The following OR51B5 variants were observed in gnomAD, a reference collection of about 807,000 sequenced individuals.
OR51B5 encodes olfactory receptor 51B5.
For missense variants in OR51B5, 456 were observed against 374.6 expected (o/e 1.22, Z -1.79); for synonymous variants, 186 against 144.8 (o/e 1.28, Z -2.04).
At chr11:5,442,111 T>C (rs1435533958) in intron 1 of OR51B5, among the ~76,000 whole-genome samples, 1 of 152,134 alleles carries the variant, frequency 6.6e-6, no homozygotes. Flanking sequence ...GTCTATGAAC[T>C]CTTCTTCCTC....
At chr11:5,490,196 A>T (rs61892115) in intron 1 of OR51B5, among the ~76,000 whole-genome samples, 16,440 of 152,222 alleles carry the variant, frequency 0.11, 932 homozygotes, top group Middle Eastern at 0.16. Flanking sequence ...TAAAAATAAC[A>T]TCTAACTTTG....
At chr11:5,408,995 T>G (rs1330375386) in intron 1 of OR51B5, among the ~76,000 whole-genome samples, 1 of 152,118 alleles carries the variant, frequency 6.6e-6, no homozygotes, top group East Asian at 1.9e-4. Flanking sequence ...TAAACCCAAC[T>G]TGTTGATCTA....
intron 1 of OR51B5, chr11:5,402,971 G>A (rs747982177): frequency 8.5e-6 from 4 of 471,316 alleles, no homozygotes; most frequent in South Asian, 1.5e-5. Flanking sequence ...TCTTTGGACC[G>A]CTTTATAGCC....
intron 1 of OR51B5, among the ~76,000 whole-genome samples, chr11:5,421,444 C>T (rs1217164856): frequency 6.6e-6 from 1 of 152,228 alleles, no homozygotes; most frequent in Non-Finnish European, 1.5e-5. Context: ...GAGTTATCCA[C>T]TTAAAGCAGT....
intron 1 of OR51B5, among the ~76,000 whole-genome samples, chr11:5,359,981 A>T (rs1849255846): frequency 6.6e-6 from 1 of 152,244 alleles, no homozygotes; most frequent in Non-Finnish European, 1.5e-5. Context: ...TACACCTTAT[A>T]CAAAAATTAA....
At chr11:5,500,371 T>C (rs1851700571) in intron 1 of OR51B5, among the ~76,000 whole-genome samples, 3 of 152,204 alleles carry the variant, frequency 2.0e-5, no homozygotes, top group Admixed American at 2.0e-4. Context: ...TTAAACTTAC[T>C]GGCTCTGTTT....
chr11:5,393,954 C>G (rs10837995), intron 1 of OR51B5, among the ~76,000 whole-genome samples: 20,073 of 152,158 alleles, frequency 0.13, 1,392 homozygotes, highest in Non-Finnish European at 0.16. Flanking sequence ...GAAGTCCCAT[C>G]ATTGGCTTCT....
At chr11:5,444,652 T>C (rs1850736279) in intron 1 of OR51B5, among the ~76,000 whole-genome samples, 1 of 152,142 alleles carries the variant, frequency 6.6e-6, no homozygotes. Context: ...TACTATGCTG[T>C]GGGTACAGCT....
chr11:5,352,240 T>G (rs1006528737), intron 1 of OR51B5: 2 of 1,614,120 alleles, frequency 1.2e-6, no homozygotes, highest in Non-Finnish European at 8.5e-7. Context: ...TCATATCTGC[T>G]GCATCCTGGT....
chr11:5,370,914 T>C (rs1270907483), intron 1 of OR51B5, among the ~76,000 whole-genome samples: 2 of 152,190 alleles, frequency 1.3e-5, no homozygotes, highest in Non-Finnish European at 1.5e-5. Context: ...AAAAGAAGTA[T>C]TGCCATAGTG....
rs893322068 is a variant in OR51B5 at position 5,479,121 on chromosome 11, G to A, written n.84+26448C>T. On this transcript the variant is annotated intron_variant and non_coding_transcript_variant, in intron 1 of 4. Coordinates refer to the OR51B5 transcript ENST00000415970. ...AAGGGCAGCCAGAGAGAAAGGTCGGGTTACCCTCAAAGGGAAGCCCATCAG... is the reference window on the plus strand; with the variant it reads ...AAGGGCAGCCAGAGAGAAAGGTCGGATTACCCTCAAAGGGAAGCCCATCAG... Among the ~76,000 whole-genome samples the A allele has an allele frequency of 3.0e-3, 449 of 149,524 alleles. 4 individuals carry two copies. Among genetic ancestry groups the A allele is most frequent in the African/African-American group, 0.01 (414 of 40,786 alleles).
At chr11:5,382,243 C>T (rs1446988965) in intron 1 of OR51B5, among the ~76,000 whole-genome samples, 1 of 152,164 alleles carries the variant, frequency 6.6e-6, no homozygotes, top group Non-Finnish European at 1.5e-5. Flanking sequence ...AACACATAAA[C>T]AACTTTTCCT....
At chr11:5,394,663 CT>C (rs1444539310) in intron 1 of OR51B5, among the ~76,000 whole-genome samples, 1 of 152,184 alleles carries the variant, frequency 6.6e-6, no homozygotes, top group Non-Finnish European at 1.5e-5. Context: ...ATGTTTTCCC[CT>C]CTATCTAAAA....
chr11:5,422,474 C>A (rs565659513), intron 1 of OR51B5: 5 of 1,614,042 alleles, frequency 3.1e-6, no homozygotes, highest in East Asian at 2.2e-5. Context: ...GTTCAACGTT[C>A]GTAGAATCAG....
At chr11:5,372,092 G>A (rs929628064) in intron 1 of OR51B5, among the ~76,000 whole-genome samples, 3 of 151,956 alleles carry the variant, frequency 2.0e-5, no homozygotes, top group Non-Finnish European at 4.4e-5. Flanking sequence ...ATAATATTGT[G>A]ATATCATACA....
intron 1 of OR51B5, chr11:5,389,788 G>C: frequency 6.2e-7 from 1 of 1,613,948 alleles, no homozygotes; most frequent in South Asian, 1.1e-5. Flanking sequence ...TCCTCATGAT[G>C]TCCTTTGACC....
chr11:5,429,904 G>A (rs1269099820), intron 1 of OR51B5, among the ~76,000 whole-genome samples: 1 of 152,128 alleles, frequency 6.6e-6, no homozygotes, highest in African/African-American at 2.4e-5. Context: ...TTGTGACATT[G>A]TTCATATTTT....
At chr11:5,418,665 G>A (rs1434791648) in intron 1 of OR51B5, among the ~76,000 whole-genome samples, 1 of 151,672 alleles carries the variant, frequency 6.6e-6, no homozygotes, top group African/African-American at 2.4e-5. Flanking sequence ...ATTCATAATT[G>A]GTAGTTGAAC....
At chr11:5,430,074 CAATT>C (rs1343208291) in intron 1 of OR51B5, among the ~76,000 whole-genome samples, 2 of 151,984 alleles carry the variant, frequency 1.3e-5, no homozygotes, top group Non-Finnish European at 2.9e-5. Flanking sequence ...CAAAAATAAA[CAATT>C]TATTGTTTGA....
Sources: gnomAD v4.1 joint callset for allele counts (sites outside exome capture counted in the v4.1 genomes callset) on GRCh38, gnomAD v4.1.1 for gene constraint, MANE v1.5 for transcripts, NCBI Gene and HGNC (gene_info 2026-07-23, HGNC 2026-07-21) for gene names.